ABCA6: variants seen among roughly 807,000 people sequenced by gnomAD.
ABCA6 encodes the protein ATP binding cassette subfamily A member 6, also known as ATP-binding cassette sub-family A member 6.
Under a neutral mutation model 191.2 loss-of-function variants are expected in ABCA6, and 164 were observed. The observed-to-expected ratio is 0.86, with a 90% CI of 0.76 to 0.98. ABCA6 has a LOEUF of 0.98. ABCA6 is among the 50% of genes least tolerant of loss of function. The probability of loss-of-function intolerance (pLI) is 0.00; values close to 1 mark genes in which losing one functional copy is unlikely to be tolerated. For synonymous variants in ABCA6, 636 were observed against 647.7 expected (o/e 0.98, Z 0.27); for missense variants, 1,958 against 1,894.1 (o/e 1.03, Z -0.63).
At chr17:69,097,294 G>A (rs962036940) in intron 23 of ABCA6, among the ~76,000 whole-genome samples, 5 of 151,826 alleles carry the variant, frequency 3.3e-5, no homozygotes, top group African/African-American at 1.2e-4. Flanking sequence ...AGGAGGCTGA[G>A]GCAGAAGAAC....
chr17:69,104,667 A>C (rs933086967), intron 20 of ABCA6: 12 of 150,844 alleles, frequency 8.0e-5, no homozygotes, highest in African/African-American at 2.4e-4. Context: ...AAAAAAACAA[A>C]AAAACAAAAA....
chr17:69,102,795 A>G (rs765970541), intron 21 of ABCA6, 40 bp downstream of exon 21: 3 of 1,549,700 alleles, frequency 1.9e-6, no homozygotes, highest in Non-Finnish European at 2.6e-6. Flanking sequence ...AAAATGTAGT[A>G]CTTTTTGTTT....
intron 31 of ABCA6, 33 bp from the exon 32 acceptor site, chr17:69,085,215 C>T: frequency 6.4e-7 from 1 of 1,574,334 alleles, no homozygotes; most frequent in African/African-American, 1.4e-5. Flanking sequence ...GAAAGGCATG[C>T]AGCCTTTATT....
Position 69,079,111 on chromosome 17 carries a change from GA to G in ABCA6, c.4753-38del, listed in dbSNP as rs753159655. On this transcript the variant is annotated intron_variant, in intron 38 of 38. Transcript: ENST00000284425. ...ACAAAGAAGAAGGAAAGAAGGAAGA[GA>G]GATTATCAAGTTGTTGGTCTTCCAA... The G allele has an allele frequency of 3.6e-5, 57 of 1,573,864 alleles. No individual in the cohort carries two copies. In the African/African-American group the frequency reaches 7.0e-4, roughly 19 times the overall value.
intron 32 of ABCA6, 70 bp downstream of exon 32, chr17:69,084,958 A>C: frequency 6.7e-7 from 1 of 1,497,738 alleles, no homozygotes; most frequent in Non-Finnish European, 8.9e-7. Context: ...GTTCTTTATT[A>C]GTGAATTCAT....
chr17:69,115,562 T>C (rs1258005769), intron 11 of ABCA6, 76 bp from the exon 12 acceptor site: 11 of 983,180 alleles, frequency 1.1e-5, no homozygotes, highest in Admixed American at 2.0e-5. Context: ...GGTCCCAACA[T>C]AGAACAAGGC....
intron 25 of ABCA6, among the ~76,000 whole-genome samples, chr17:69,092,178 G>A (rs1464258817): frequency 6.6e-6 from 1 of 152,122 alleles, no homozygotes; most frequent in Non-Finnish European, 1.5e-5. Flanking sequence ...CAATTGATCA[G>A]CCAAGTATGT....
Position 69,097,961 on chromosome 17 carries a change from T to C in ABCA6, c.3079A>G (p.Ile1027Val). ...SFFLFLVLCS[I>V]SPYITMGSIS... Reference sequence around the variant, plus strand: ...CTGCCCATGGTGATATAAGGAGAAATGCTACATAGAACCAAAAATAAGAAA... The same window carrying C: ...CTGCCCATGGTGATATAAGGAGAAACGCTACATAGAACCAAAAATAAGAAA... The change falls in exon 23 of 39, where the codon ATT becomes GTT. Residue 1027 changes from isoleucine to valine, a missense_variant. Physicochemically the swap from Ile to Val is conservative, Grantham distance 29. Coordinates refer to ENST00000284425, the MANE Select transcript of ABCA6 (RefSeq NM_080284.3). The C allele has an allele frequency of 1.6e-5, 26 of 1,611,852 alleles. No individual in the cohort carries two copies. Among genetic ancestry groups the C allele is most frequent in the Non-Finnish European group, 2.2e-5 (26 of 1,179,182 alleles).
chr17:69,113,822 A>G, intron 13 of ABCA6, 85 bp from the exon 14 acceptor site: 1 of 1,103,610 alleles, frequency 9.1e-7, no homozygotes, highest in South Asian at 1.5e-5. Flanking sequence ...AATGCTCATC[A>G]TCACTGGCCA....
chr17:69,127,034 T>A (rs1412662038), intron 8 of ABCA6, among the ~76,000 whole-genome samples: 1 of 152,150 alleles, frequency 6.6e-6, no homozygotes, highest in Non-Finnish European at 1.5e-5. Context: ...AAAGAAAGAT[T>A]GCAATTCATT....
intron 6 of ABCA6, among the ~76,000 whole-genome samples, chr17:69,130,451 A>C (rs768010359): frequency 6.6e-6 from 1 of 152,150 alleles, no homozygotes; most frequent in African/African-American, 2.4e-5. Flanking sequence ...TATTGTATTA[A>C]ACAGTATCAA....
At chr17:69,098,239 G>A in intron 22 of ABCA6, 1 of 432,272 alleles carries the variant, frequency 2.3e-6, no homozygotes. Flanking sequence ...CTACTTCTGG[G>A]GATATTTCCA....
At position 69,112,243 on chromosome 17, in the gene ABCA6, A is replaced by G; in HGVS notation, c.2072T>C (p.Leu691Pro). 1 of 1,612,618 alleles carries G rather than the reference A, an allele frequency of 6.2e-7. No homozygotes were observed. Among genetic ancestry groups the G allele is most frequent in the Non-Finnish European group, 8.5e-7 (1 of 1,179,042 alleles). The change falls in exon 16 of 39, where the codon CTG becomes CCG. Residue 691 changes from leucine (L) to proline (P), a missense_variant. By Grantham distance (98) the Leu-to-Pro change is moderately conservative. Coordinates refer to ENST00000284425, the MANE Select transcript of ABCA6 (RefSeq NM_080284.3). The part of the protein sequence containing the change: ...DRKVIMSNGR[L>P]KCAGSSMFLK... ...AAACATAGAAGAACCTGCACACTTC[A>G]GTCTCCCATTGGACATGATCACTTT...
chr17:69,111,075 A>T, intron 16 of ABCA6, 135 bp from the exon 17 acceptor site: 3 of 737,022 alleles, frequency 4.1e-6, no homozygotes, highest in Non-Finnish European at 6.3e-6. Context: ...GTAAATACTA[A>T]CATGATAGTA....
In ABCA6 at chr17:69,096,277, C is replaced by A; in HGVS notation, c.3371G>T (p.Arg1124Ile). ...AAATGACCAAAGGCCACTGTTTTTT[C>A]TCCTTTTGCGAAAAATAAATGATAT... ...YMISFIFRKRRKNSGLWSFYF... is the reference protein window; with the variant it reads ...YMISFIFRKRIKNSGLWSFYF... Residue 1124 changes from arginine to isoleucine, a missense_variant, in exon 25 of 39, where the codon AGA (arginine) becomes ATA (isoleucine). By Grantham distance (97) the Arg-to-Ile change is moderately conservative (BLOSUM62 -3). Coordinates refer to ENST00000284425, the MANE Select transcript of ABCA6 (RefSeq NM_080284.3). The A allele has an allele frequency of 6.5e-7, 1 of 1,528,202 alleles. No homozygotes were observed. Among genetic ancestry groups the A allele is most frequent in the Non-Finnish European group, 8.8e-7 (1 of 1,137,778 alleles). 94.7% of individuals were successfully genotyped at this position (1,528,202 alleles called of 1,614,324 possible).
In ABCA6 at chr17:69,110,815, G is replaced by A; in HGVS notation, c.2258C>T (p.Thr753Ile). The change falls in exon 17 of 39, where the codon ACA (threonine) becomes ATA (isoleucine). Residue 753 changes from threonine to isoleucine, a missense_variant. Physicochemically the swap from Thr to Ile is moderately conservative, Grantham distance 89 (BLOSUM62 -1). Transcript: ENST00000284425. ...KLVYTLPLER[T>I]NTFPDLFSDL... Reference sequence around the variant, plus strand: ...AGTTGAGTTACCTGGAAATGTATTTGTCCTTTCCAGTGGCAAAGTATATAC... The same window carrying A: ...AGTTGAGTTACCTGGAAATGTATTTATCCTTTCCAGTGGCAAAGTATATAC... 2 of 1,607,582 alleles carry A rather than the reference G, an allele frequency of 1.2e-6. No individual in the cohort carries two copies. Among genetic ancestry groups the A allele is most frequent in the Non-Finnish European group, 1.7e-6 (2 of 1,177,268 alleles).
At chr17:69,133,900 T>C (rs756922806) in intron 5 of ABCA6, 33 bp from the exon 6 acceptor site, 6 of 1,406,464 alleles carry the variant, frequency 4.3e-6, no homozygotes, top group East Asian at 4.7e-5. Context: ...ATAATTATTA[T>C]TTAAAAGATA....
chr17:69,118,994 C>T (rs903354130), intron 10 of ABCA6, among the ~76,000 whole-genome samples: 2 of 151,920 alleles, frequency 1.3e-5, no homozygotes, highest in African/African-American at 4.8e-5. Flanking sequence ...TGTGAATACA[C>T]ATTAGAATTC....
At chr17:69,090,642 C>A (rs535779388) in intron 26 of ABCA6, among the ~76,000 whole-genome samples, 26 of 152,302 alleles carry the variant, frequency 1.7e-4, no homozygotes, top group African/African-American at 5.8e-4. Flanking sequence ...TTGGGAAAGT[C>A]AGGACTGTGC....
Sources: gnomAD v4.1 joint callset for allele counts (sites outside exome capture counted in the v4.1 genomes callset) on GRCh38, gnomAD v4.1.1 for gene constraint, MANE v1.5 for transcripts, NCBI Gene and HGNC (gene_info 2026-07-23, HGNC 2026-07-21) for gene names.